Variants in EFCAB7 observed in about 807,000 individuals in gnomAD.
The protein encoded by EFCAB7 is EF-hand calcium binding domain 7.
Under a neutral mutation model 77.1 loss-of-function variants are expected in EFCAB7, and 66 were observed. The ratio of observed to expected loss-of-function variants is 0.86; its 90% confidence interval spans 0.70 to 1.05. The LOEUF (loss-of-function observed/expected upper bound fraction) is 1.05, where lower values mean the gene tolerates loss of function less well. Among genes scored for constraint, EFCAB7 ranks in the 50% least tolerant of loss-of-function variants. The pLI is 0.00. For missense variants in EFCAB7, 638 were observed against 730.5 expected (o/e 0.87, Z 1.46); for synonymous variants, 225 against 243.3 (o/e 0.92, Z 0.70).
In EFCAB7 at chr1:63,532,735, T is replaced by C. The variant is rs529167027; in HGVS notation, c.465T>C (p.Asp155=). ...AIINLADVNA[D]GKFDYIKFCK... ...TAAATTTGGCTGATGTAAATGCTGA[T>C]GGCAAATTTGACTACATCAAGGTAC... Residue 155 remains aspartate (D), a synonymous_variant, in exon 4 of 14, where the codon GAT becomes GAC. Coordinates refer to ENST00000371088, the MANE Select transcript of EFCAB7 (RefSeq NM_032437.4). 5 of 1,608,124 alleles carry C rather than the reference T, an allele frequency of 3.1e-6. No homozygotes were observed. The African/African-American group carries it at 5.4e-5, about 17-fold the overall frequency.
In EFCAB7 at chr1:63,533,513, A is replaced by G. The variant is rs1224539495; in HGVS notation, c.546A>G (p.Leu182=). The G allele has an allele frequency of 5.0e-6, 8 of 1,613,126 alleles. No homozygotes were observed. Among genetic ancestry groups the G allele is most frequent in the Non-Finnish European group, 6.8e-6 (8 of 1,179,584 alleles). The change falls in exon 5 of 14, where the codon CTA becomes CTG. Residue 182 remains leucine (L), a synonymous_variant. Coordinates refer to ENST00000371088, the MANE Select transcript of EFCAB7 (RefSeq NM_032437.4). ...EQCLKTTLEK[L]EVDSKLMRHQ... ...GTCTCAAGACTACACTAGAAAAACT[A>G]GAGGTTGACAGTAAATTGATGCGTC...
rs748080163 is a variant in EFCAB7 at position 63,572,529 on chromosome 1, A to G, written c.*13A>G. ...TCTTATTTCTTAAATAATTATACTTAGAACTTACCAAACTAAGAATTATTT... is the reference window on the plus strand; with the variant it reads ...TCTTATTTCTTAAATAATTATACTTGGAACTTACCAAACTAAGAATTATTT... On this transcript the variant is annotated 3_prime_UTR_variant, in exon 14 of 14. Coordinates refer to ENST00000371088, the MANE Select transcript of EFCAB7 (RefSeq NM_032437.4). The G allele has an allele frequency of 6.3e-6, 9 of 1,425,350 alleles. No individual in the cohort carries two copies. Among genetic ancestry groups the G allele is most frequent in the Non-Finnish European group, 7.5e-6 (8 of 1,062,214 alleles). The allele number at this position is 1,425,350 out of a possible 1,614,324, so 88.3% of individuals were successfully genotyped here.
In EFCAB7 at chr1:63,532,694, G is replaced by A. The variant is rs1470723553; in HGVS notation, c.424G>A (p.Glu142Lys). The change falls in exon 4 of 14, where the codon GAA (glutamate) becomes AAA (lysine). Residue 142 changes from glutamate to lysine, a missense_variant. Physicochemically the swap from Glu to Lys is moderately conservative, Grantham distance 56 (BLOSUM62 1). Coordinates refer to ENST00000371088, the MANE Select transcript of EFCAB7 (RefSeq NM_032437.4). ...GAGAGGTGAGAAGATGACTCGAGAAGAAGTAAATGCCATAATAAATTTGGC... is the reference window on the plus strand; with the variant it reads ...GAGAGGTGAGAAGATGACTCGAGAAAAAGTAAATGCCATAATAAATTTGGC... ...TKRGEKMTRE[E>K]VNAIINLADV... 12 of 1,601,226 alleles carry A rather than the reference G, an allele frequency of 7.5e-6. No homozygotes were observed. Among genetic ancestry groups the A allele is most frequent in the Non-Finnish European group, 1.0e-5 (12 of 1,175,364 alleles).
intron 6 of EFCAB7, among the ~76,000 whole-genome samples, chr1:63,535,803 G>A (rs1189099127): frequency 6.6e-6 from 1 of 151,870 alleles, no homozygotes; most frequent in Non-Finnish European, 1.5e-5. Flanking sequence ...ATTATAGAAC[G>A]AAGAAATAAC....
At chr1:63,535,962 G>T (rs1239017024) in intron 6 of EFCAB7, among the ~76,000 whole-genome samples, 2 of 152,092 alleles carry the variant, frequency 1.3e-5, no homozygotes, top group African/African-American at 4.8e-5. Context: ...GCCTAGGATA[G>T]TACTTAATGT....
intron 9 of EFCAB7, among the ~76,000 whole-genome samples, chr1:63,556,533 G>C (rs1647032410): frequency 6.6e-6 from 1 of 152,044 alleles, no homozygotes; most frequent in Admixed American, 6.5e-5. Flanking sequence ...AAAGTAGATT[G>C]GAGAAAGGAA....
chr1:63,530,400 C>T (rs565581038), intron 2 of EFCAB7, among the ~76,000 whole-genome samples: 2 of 152,182 alleles, frequency 1.3e-5, no homozygotes, highest in East Asian at 1.9e-4. Context: ...TATGTTAATT[C>T]CTTCTGTGGT....
At chr1:63,565,369 AC>A (rs67603386) in intron 11 of EFCAB7, among the ~76,000 whole-genome samples, 6 of 141,228 alleles carry the variant, frequency 4.2e-5, no homozygotes, top group African/African-American at 1.5e-4. Context: ...AAAAAAAAAA[AC>A]AACAACAACA....
At chr1:63,546,089 T>C (rs780768417) in intron 7 of EFCAB7, 32 bp downstream of exon 7, 2 of 1,599,130 alleles carry the variant, frequency 1.3e-6, no homozygotes, top group South Asian at 1.1e-5. Flanking sequence ...ATTTTTAAAA[T>C]GTCAATTTGT....
intron 9 of EFCAB7, 89 bp from the exon 10 acceptor site, chr1:63,557,025 G>T: frequency 9.0e-7 from 1 of 1,107,534 alleles, no homozygotes. Flanking sequence ...GTGACAGAGT[G>T]AGACTCCGTC....
intron 1 of EFCAB7, among the ~76,000 whole-genome samples, chr1:63,524,971 A>G (rs1646559266): frequency 6.6e-6 from 1 of 152,176 alleles, no homozygotes; most frequent in Admixed American, 6.5e-5. Flanking sequence ...AAATATAGCT[A>G]TTTGAAATGT....
At position 63,546,076 on chromosome 1, in the gene EFCAB7, T is replaced by C. The variant is rs751113967; in HGVS notation, c.946+19T>C. The C allele has an allele frequency of 6.2e-7, 1 of 1,602,602 alleles. No homozygotes were observed. The highest frequency in any genetic ancestry group is 1.1e-5 in the South Asian group (1 of 89,416). ...GTTGAAGGCAAGTTTAAGTTTTTTG[T>C]ATATTTTTAAAATGTCAATTTGTAC... On this transcript the variant is annotated intron_variant, in intron 7 of 13. Transcript: ENST00000371088.
chr1:63,552,611 G>T (rs979872080), intron 8 of EFCAB7, among the ~76,000 whole-genome samples: 2 of 152,096 alleles, frequency 1.3e-5, no homozygotes, highest in South Asian at 2.1e-4. Context: ...TTTTCTAATA[G>T]TATATTTACT....
At chr1:63,565,475 G>C (rs1647159850) in intron 11 of EFCAB7, among the ~76,000 whole-genome samples, 1 of 152,084 alleles carries the variant, frequency 6.6e-6, no homozygotes, top group African/African-American at 2.4e-5. Flanking sequence ...ATAGGCATGG[G>C]GAAAGATTTC....
At chr1:63,536,640 C>T (rs1047254848) in intron 6 of EFCAB7, 1 of 152,198 alleles carries the variant, frequency 6.6e-6, no homozygotes, top group African/African-American at 2.4e-5. Flanking sequence ...CTTGGCCCCC[C>T]AAAGTGCTGG....
chr1:63,549,461 C>G (rs191016575), intron 7 of EFCAB7: 5 of 462,794 alleles, frequency 1.1e-5, no homozygotes, highest in Non-Finnish European at 1.8e-5. Context: ...GGAGCTTACT[C>G]AGAGGACTAC....
intron 1 of EFCAB7, among the ~76,000 whole-genome samples, chr1:63,524,425 G>T (rs1646542490): frequency 6.6e-6 from 1 of 152,064 alleles, no homozygotes; most frequent in Non-Finnish European, 1.5e-5. Context: ...TTATAAATAG[G>T]GTACTTCATC....
Position 63,545,992 on chromosome 1 carries a change from T to G in EFCAB7, c.881T>G (p.Met294Arg). The change falls in exon 7 of 14, where the codon ATG becomes AGG. Residue 294 changes from methionine to arginine, a missense_variant. Coordinates refer to ENST00000371088, the MANE Select transcript of EFCAB7 (RefSeq NM_032437.4). Reference protein sequence around the residue: ...DGEIISHQYRMQIAQRSMVYL... With the variant: ...DGEIISHQYRRQIAQRSMVYL... ...GAAATCATTAGTCATCAGTACAGGA[T>G]GCAAATAGCTCAGAGGTCCATGGTT... The G allele has an allele frequency of 1.2e-6, 2 of 1,613,878 alleles. No individual in the cohort carries two copies. The highest frequency in any genetic ancestry group is 1.7e-6 in the Non-Finnish European group (2 of 1,179,802).
rs774992341 is a variant in EFCAB7 at position 63,533,437 on chromosome 1, CT to C, written c.487-8del. ...ATGATTGAATGTTTTACCCACTGGA[CT>C]TTTTTTTTCCTGTAGTTTTGTAAAT... is the stretch of plus-strand genomic sequence containing the variant. On this transcript the variant is annotated splice_polypyrimidine_tract_variant and intron_variant, in intron 4 of 13. Coordinates refer to ENST00000371088, the MANE Select transcript of EFCAB7 (RefSeq NM_032437.4). 1.2e-4 allele frequency: 189 copies of C among 1,545,954 alleles called. No homozygotes were observed. Among genetic ancestry groups the C allele is most frequent in the Middle Eastern group, 3.4e-4 (2 of 5,894 alleles).
Sources: gnomAD v4.1 joint callset for allele counts (sites outside exome capture counted in the v4.1 genomes callset) on GRCh38, gnomAD v4.1.1 for gene constraint, MANE v1.5 for transcripts, NCBI Gene and HGNC (gene_info 2026-07-23, HGNC 2026-07-21) for gene names.